ADARB2: variants seen among roughly 807,000 people sequenced by gnomAD.
ADARB2 encodes inactive double-stranded RNA-specific editase B2.
In ADARB2, 25 loss-of-function variants were observed where a neutral mutation model predicts 62.2. That is an observed-to-expected ratio of 0.40 (90% CI 0.29 to 0.56). The LOEUF (loss-of-function observed/expected upper bound fraction) is 0.56, where lower values mean the gene tolerates loss of function less well. ADARB2 is among the 20% of genes least tolerant of loss of function. ADARB2 has a pLI of 0.43. For missense variants in ADARB2, 1,071 were observed against 1,077.4 expected, an observed-to-expected ratio of 0.99 and a Z score of 0.08; for synonymous variants, 572 against 500.8, an observed-to-expected ratio of 1.14 and a Z score of -1.90.
chr10:1,649,552 T>C (rs1188090262), intron 1 of ADARB2, among the ~76,000 whole-genome samples: 1 of 152,220 alleles, frequency 6.6e-6, no homozygotes, highest in African/African-American at 2.4e-5. Flanking sequence ...TTACACAAGG[T>C]ATGGGTGTCT....
At position 1,255,018 on chromosome 10, in the gene ADARB2, C is replaced by T. The variant is rs979877673; in HGVS notation, c.1193-12719G>A. ...TAGTTGTCAGGATAAGCACAGTAATCACATACTCATTAATTTCCTTATAAA... is the reference window on the plus strand; with the variant it reads ...TAGTTGTCAGGATAAGCACAGTAATTACATACTCATTAATTTCCTTATAAA... On this transcript the variant is annotated intron_variant, in intron 4 of 9. Transcript: ENST00000381312. The surrounding 1 kb of genome is among the most constrained non-coding windows in gnomAD (Gnocchi z 4.7). Among the ~76,000 whole-genome samples, 6 of 152,226 alleles carry T rather than the reference C, an allele frequency of 3.9e-5. No homozygotes were observed. The highest frequency in any genetic ancestry group is 1.2e-4 in the African/African-American group (5 of 41,454).
At chr10:1,440,432 T>C (rs562823005) in intron 1 of ADARB2, among the ~76,000 whole-genome samples, 122 of 152,162 alleles carry the variant, frequency 8.0e-4, no homozygotes, top group African/African-American at 2.9e-3. Context: ...CTTTTTTTTT[T>C]TTTTCTTACC....
chr10:1,278,086 C>T (rs1212009981), intron 3 of ADARB2, among the ~76,000 whole-genome samples: 1 of 152,108 alleles, frequency 6.6e-6, no homozygotes, highest in East Asian at 1.9e-4. Context: ...TCTAGTGCCT[C>T]AGCCTCCCAA....
In ADARB2 at chr10:1,636,784, CAAT is replaced by C. The variant is rs548911002; in HGVS notation, c.100+100264_100+100266del. 1.3e-4 allele frequency among the ~76,000 whole-genome samples: 19 copies of C among 146,496 alleles called. No homozygotes were observed. The East Asian group carries it at 1.4e-3, about 11-fold the overall frequency. On this transcript the variant is annotated intron_variant, in intron 1 of 9. Transcript: ENST00000381312. Reference sequence around the variant, plus strand: ...TCAATATACAATATATGAAATATATCAATATTATATGACATATATAATATTGTT... The same window carrying C: ...TCAATATACAATATATGAAATATATCATTATATGACATATATAATATTGTT...
chr10:1,608,362 C>A (rs1008832409), intron 1 of ADARB2, among the ~76,000 whole-genome samples: 9 of 152,012 alleles, frequency 5.9e-5, no homozygotes, highest in Admixed American at 3.3e-4. Context: ...GAATTTAAAT[C>A]GTCACCAGCG....
In ADARB2 at chr10:1,443,640, CT is replaced by C. The variant is rs34865201; in HGVS notation, c.101-64481del. Reference sequence around the variant, plus strand: ...CTATTAAGACATTAATAGAAACCTCCTTTTTTTCAGATATCAGTATGAGTTT... The same window carrying C: ...CTATTAAGACATTAATAGAAACCTCCTTTTTTCAGATATCAGTATGAGTTT... On this transcript the variant is annotated intron_variant, in intron 1 of 9. Transcript: ENST00000381312. Among the ~76,000 whole-genome samples, 4 of 152,054 alleles carry C rather than the reference CT, an allele frequency of 2.6e-5. No homozygotes were observed. In the East Asian group the frequency reaches 5.8e-4, roughly 22 times the overall value.
intron 1 of ADARB2, among the ~76,000 whole-genome samples, chr10:1,498,264 C>A (rs1831716670): frequency 6.6e-6 from 1 of 152,018 alleles, no homozygotes. Flanking sequence ...ATCCCAGCTA[C>A]TTTGGGAGGC....
rs200095999 is a variant in ADARB2 at position 1,394,873 on chromosome 10, TTTTTC to T, written c.101-15718_101-15714del. 6.6e-5 allele frequency: 30 copies of T among 457,070 alleles called. 1 individual carries two copies. The highest frequency in any genetic ancestry group is 3.3e-4 in the Middle Eastern group (1 of 3,070). 28.3% of individuals were successfully genotyped at this position (457,070 alleles called of 1,614,324 possible). ...CCAGGACTCGCTGTGCACAGGTCAT[TTTTTC>T]TTTTCTTTTCTTTTCTTCCTCCCTC... On this transcript the variant is annotated intron_variant, in intron 1 of 9. Coordinates refer to ENST00000381312, the MANE Select transcript of ADARB2 (RefSeq NM_018702.4).
At chr10:1,644,587 G>T (rs1399918372) in intron 1 of ADARB2, among the ~76,000 whole-genome samples, 1 of 152,276 alleles carries the variant, frequency 6.6e-6, no homozygotes, top group African/African-American at 2.4e-5. Flanking sequence ...TGTTCCCATT[G>T]CTGTCACATG....
At chr10:1,731,544 C>G (rs1449391136) in intron 1 of ADARB2, among the ~76,000 whole-genome samples, 1 of 152,178 alleles carries the variant, frequency 6.6e-6, no homozygotes, top group Non-Finnish European at 1.5e-5. Flanking sequence ...TGTAATGTCT[C>G]TATTTGATAT....
At chr10:1,353,622 C>G (rs184167381) in intron 3 of ADARB2, among the ~76,000 whole-genome samples, 1 of 152,088 alleles carries the variant, frequency 6.6e-6, no homozygotes, top group South Asian at 2.1e-4. Flanking sequence ...GGACCTCTCA[C>G]GACACAAACT....
intron 1 of ADARB2, among the ~76,000 whole-genome samples, chr10:1,604,878 T>C (rs972156802): frequency 6.6e-6 from 1 of 152,220 alleles, no homozygotes; most frequent in Non-Finnish European, 1.5e-5. Flanking sequence ...CTCTGAGCAA[T>C]ACTACAAGTG....
At chr10:1,515,116 C>G (rs753254819) in intron 1 of ADARB2, among the ~76,000 whole-genome samples, 7 of 152,064 alleles carry the variant, frequency 4.6e-5, no homozygotes, top group Non-Finnish European at 8.8e-5. Flanking sequence ...GTTGCAGCAG[C>G]GATAGTGCAA....
At chr10:1,702,790 G>A (rs897518888) in intron 1 of ADARB2, among the ~76,000 whole-genome samples, 2 of 152,200 alleles carry the variant, frequency 1.3e-5, no homozygotes, top group Non-Finnish European at 2.9e-5. Flanking sequence ...TCTCAGACTG[G>A]CCCTCCTTTA....
intron 1 of ADARB2, among the ~76,000 whole-genome samples, chr10:1,727,673 C>A (rs1292379842): frequency 2.0e-5 from 3 of 152,030 alleles, no homozygotes; most frequent in Non-Finnish European, 2.9e-5. Flanking sequence ...TTTGTAAGCC[C>A]ATCTGATGAT....
chr10:1,524,083 T>TAGAC (rs1832109565), intron 1 of ADARB2, among the ~76,000 whole-genome samples: 1 of 152,070 alleles, frequency 6.6e-6, no homozygotes, highest in Admixed American at 6.5e-5. Context: ...GATAGATAGA[T>TAGAC]AGATAGATAG....
chr10:1,524,203 T>A (rs547132273), intron 1 of ADARB2, among the ~76,000 whole-genome samples: 20 of 152,294 alleles, frequency 1.3e-4, no homozygotes, highest in Admixed American at 4.6e-4. Context: ...AAACTTCTTA[T>A]AATACAATGA....
chr10:1,318,280 T>C (rs1174365779), intron 3 of ADARB2, among the ~76,000 whole-genome samples: 1 of 152,122 alleles, frequency 6.6e-6, no homozygotes, highest in Non-Finnish European at 1.5e-5. Flanking sequence ...CCCATCATGG[T>C]ATGATTTGGT....
intron 1 of ADARB2, among the ~76,000 whole-genome samples, chr10:1,735,910 A>G (rs190242965): frequency 9.2e-5 from 14 of 152,338 alleles, no homozygotes. Flanking sequence ...GTTCGAGGGC[A>G]CACAGGAAAC....
Sources: allele counts gnomAD v4.1 joint callset (sites outside exome capture counted in the v4.1 genomes callset), GRCh38; gene constraint gnomAD v4.1.1; non-coding constraint Gnocchi (gnomAD v3.1); transcripts MANE v1.5; gene names NCBI Gene and HGNC (gene_info 2026-07-23, HGNC 2026-07-21).